Variants in MRPS6 observed in about 807,000 individuals in gnomAD.
MRPS6 encodes the protein mitochondrial ribosomal protein S6.
A neutral mutation model predicts 13.1 loss-of-function variants in MRPS6; 6 were observed. The ratio of observed to expected loss-of-function variants is 0.46; its 90% CI spans 0.25 to 0.91. The LOEUF (loss-of-function observed/expected upper bound fraction) is 0.91. MRPS6 is among the 40% of genes least tolerant of loss of function. The pLI, the probability that MRPS6 is intolerant of heterozygous loss-of-function variation, is 0.18. For synonymous variants in MRPS6, 61 were observed against 56.5 expected, an observed-to-expected ratio of 1.08 and a Z score of -0.36; for missense variants, 164 against 155.6, an observed-to-expected ratio of 1.05 and a Z score of -0.29.
At chr21:34,094,495 TA>T (rs1978871272) in intron 1 of MRPS6, among the ~76,000 whole-genome samples, 1 of 152,160 alleles carries the variant, frequency 6.6e-6, no homozygotes. Context: ...ATTACGAATA[TA>T]ATTAGTGTTT....
chr21:34,132,857 C>A (rs1050991413), intron 2 of MRPS6, among the ~76,000 whole-genome samples: 1 of 152,208 alleles, frequency 6.6e-6, no homozygotes, highest in Non-Finnish European at 1.5e-5. Flanking sequence ...AGTCAAAAGA[C>A]CTGCTCTGTT....
At chr21:34,074,634 C>T (rs911722705) in intron 1 of MRPS6, among the ~76,000 whole-genome samples, 3 of 152,242 alleles carry the variant, frequency 2.0e-5, no homozygotes, top group African/African-American at 7.2e-5. Context: ...TCCCCATTCT[C>T]CCGTGAATTC....
intron 2 of MRPS6, among the ~76,000 whole-genome samples, chr21:34,125,820 CAT>C (rs1980285187): frequency 1.3e-5 from 2 of 152,176 alleles, no homozygotes; most frequent in African/African-American, 4.8e-5. Context: ...TGTCCACAAA[CAT>C]AGTGTATCAG....
At chr21:34,108,978 T>G (rs540525463) in intron 1 of MRPS6, among the ~76,000 whole-genome samples, 1 of 152,310 alleles carries the variant, frequency 6.6e-6, no homozygotes, top group Admixed American at 6.5e-5. Flanking sequence ...CCTCCTGGAC[T>G]GGTACACTTG....
chr21:34,074,358 C>T (rs1488080571), intron 1 of MRPS6, among the ~76,000 whole-genome samples: 2 of 152,212 alleles, frequency 1.3e-5, no homozygotes, highest in Non-Finnish European at 2.9e-5. Flanking sequence ...TTTTCTTTTT[C>T]TGACTTCAGC....
chr21:34,134,068 A>G (rs1259901473), intron 2 of MRPS6, among the ~76,000 whole-genome samples: 4 of 152,208 alleles, frequency 2.6e-5, no homozygotes, highest in Non-Finnish European at 5.9e-5. Flanking sequence ...GAGGGTTGCA[A>G]GGAGGTGGTG....
intron 1 of MRPS6, among the ~76,000 whole-genome samples, chr21:34,090,835 C>G (rs1978647567): frequency 6.6e-6 from 1 of 152,192 alleles, no homozygotes; most frequent in African/African-American, 2.4e-5. Flanking sequence ...AGTGACGGAG[C>G]ATGGAACCCA....
intron 1 of MRPS6, chr21:34,101,883 G>A: frequency 1.0e-6 from 1 of 1,000,136 alleles, no homozygotes; most frequent in Non-Finnish European, 1.2e-6. Flanking sequence ...TAGGGAGAGA[G>A]CAGTAGTGAT....
chr21:34,119,490 A>G (rs1304447954), intron 1 of MRPS6, among the ~76,000 whole-genome samples: 1 of 152,090 alleles, frequency 6.6e-6, no homozygotes, highest in African/African-American at 2.4e-5. Context: ...TTACATGTAC[A>G]TTTTCACAGG....
intron 1 of MRPS6, among the ~76,000 whole-genome samples, chr21:34,116,494 A>T (rs1033479279): frequency 2.6e-5 from 4 of 151,890 alleles, no homozygotes; most frequent in Non-Finnish European, 1.5e-5. Context: ...GGGCAATAAG[A>T]TTTCCATTCA....
rs1003335677 is a variant in MRPS6 at position 34,109,269 on chromosome 21, C to T, written c.46-16072C>T. ...ATCTTCCATGTTAAAGGCTTTTCTC[C>T]GATATATGCTGATCTGCTTATTTTT... On this transcript the variant is annotated intron_variant, in intron 1 of 2. Transcript: ENST00000399312. Among the ~76,000 whole-genome samples, 11 of 152,012 alleles carry T rather than the reference C, an allele frequency of 7.2e-5. No individual in the cohort carries two copies. The East Asian group carries it at 7.7e-4, about 11-fold the overall frequency.
At chr21:34,108,245 G>A (rs1046680961) in intron 1 of MRPS6, among the ~76,000 whole-genome samples, 1 of 152,186 alleles carries the variant, frequency 6.6e-6, no homozygotes, top group Non-Finnish European at 1.5e-5. Context: ...TCCATTCATG[G>A]TAAGTGCCCT....
chr21:34,103,512 G>A (rs1310359450), intron 1 of MRPS6: 2 of 999,532 alleles, frequency 2.0e-6, no homozygotes, highest in South Asian at 4.7e-5. Context: ...TAGGTATATC[G>A]AGAACAGGTA....
chr21:34,104,283 C>T (rs1330552311), intron 1 of MRPS6: 1 of 1,000,038 alleles, frequency 1.0e-6, no homozygotes, highest in East Asian at 1.1e-4. Context: ...CATTAACCCT[C>T]TTCTAGTCTA....
intron 1 of MRPS6, among the ~76,000 whole-genome samples, chr21:34,106,767 A>AT (rs1302142114): frequency 6.6e-6 from 1 of 152,220 alleles, no homozygotes; most frequent in African/African-American, 2.4e-5. Context: ...AGAAACAGTG[A>AT]TTTTGAATCA....
intron 1 of MRPS6, among the ~76,000 whole-genome samples, chr21:34,116,548 A>G (rs1331533432): frequency 6.6e-6 from 1 of 151,988 alleles, no homozygotes; most frequent in Non-Finnish European, 1.5e-5. Flanking sequence ...TTCATAGCTA[A>G]GTCTGGTACA....
Position 34,096,657 on chromosome 21 carries a change from C to T in MRPS6, c.45+22912C>T, listed in dbSNP as rs1391325056. On this transcript the variant is annotated intron_variant, in intron 1 of 2. Transcript: ENST00000399312. The surrounding 1 kb of genome is among the most constrained non-coding windows in gnomAD (Gnocchi z 5.9). ...TGTTCTTGGAGCAGTCCGTTTGATACTGGCCTTTGCCTACCGTGCCCCAGA... is the reference window on the plus strand; with the variant it reads ...TGTTCTTGGAGCAGTCCGTTTGATATTGGCCTTTGCCTACCGTGCCCCAGA... 2 of 1,614,168 alleles carry T rather than the reference C, an allele frequency of 1.2e-6. No individual in the cohort carries two copies. Among genetic ancestry groups the T allele is most frequent in the Non-Finnish European group, 1.7e-6 (2 of 1,180,008 alleles).
chr21:34,142,715 T>C lies in MRPS6; in HGVS notation c.*115T>C. On this transcript the variant is annotated 3_prime_UTR_variant, in exon 3 of 3. Transcript: ENST00000399312. Reference sequence around the variant, plus strand: ...TATAAGCATGTGTTGCAGGTGCTGTTTGATTTTTCTAAGGTATTTTTAGCC... The same window carrying C: ...TATAAGCATGTGTTGCAGGTGCTGTCTGATTTTTCTAAGGTATTTTTAGCC... 8.0e-7 allele frequency: 1 copy of C among 1,247,748 alleles called. No individual in the cohort carries two copies. Among genetic ancestry groups the C allele is most frequent in the East Asian group, 2.8e-5 (1 of 35,992 alleles). The allele number at this position is 1,247,748 out of a possible 1,614,324, so 77.3% of individuals were successfully genotyped here. A position where few individuals can be genotyped will look rare whatever the true frequency, so the allele number is the denominator to read the frequency against.
At chr21:34,122,638 C>T (rs2148668106) in intron 1 of MRPS6, 1 of 152,102 alleles carries the variant, frequency 6.6e-6, no homozygotes, top group South Asian at 2.1e-4. Context: ...GAGATATATT[C>T]CTTTTTAATC....
Sources: allele counts gnomAD v4.1 joint callset (sites outside exome capture counted in the v4.1 genomes callset), GRCh38; gene constraint gnomAD v4.1.1; non-coding constraint Gnocchi (gnomAD v3.1); transcripts MANE v1.5; gene names NCBI Gene and HGNC (gene_info 2026-07-23, HGNC 2026-07-21).